Variants in SNX29 observed in about 807,000 individuals in gnomAD.
SNX29 encodes the protein sorting nexin 29, also known as sorting nexin-29.
Under a neutral mutation model 102.1 loss-of-function variants are expected in SNX29, and 78 were observed. The observed-to-expected ratio is 0.76, with a 90% CI of 0.64 to 0.92. SNX29 has a LOEUF of 0.92. Ranked by LOEUF, SNX29 falls within the 40% of genes least tolerant of loss-of-function variation. The pLI, the probability that SNX29 is intolerant of heterozygous loss-of-function variation, is 0.00. For missense variants in SNX29, 1,280 were observed against 1,061.7 expected, an observed-to-expected ratio of 1.21 and a Z score of -2.86; for synonymous variants, 580 against 414.5, an observed-to-expected ratio of 1.40 and a Z score of -4.85.
intron 16 of SNX29, among the ~76,000 whole-genome samples, chr16:12,387,051 G>C (rs1373523120): frequency 3.3e-5 from 5 of 152,060 alleles, no homozygotes; most frequent in African/African-American, 1.2e-4. Flanking sequence ...CTTGAACCTG[G>C]GAGGCAGAGG....
At chr16:12,460,867 C>G (rs2086750286) in intron 18 of SNX29, among the ~76,000 whole-genome samples, 1 of 152,138 alleles carries the variant, frequency 6.6e-6, no homozygotes, top group Non-Finnish European at 1.5e-5. Context: ...CCATGTTGGC[C>G]AGGCTGGTCT....
intron 1 of SNX29, among the ~76,000 whole-genome samples, chr16:11,984,666 T>G (rs1451154785): frequency 2.5e-4 from 38 of 152,082 alleles, no homozygotes; most frequent in Admixed American, 2.5e-3. Context: ...CCTCTCTTTT[T>G]CTTTTGAGAC....
chr16:12,416,282 G>A (rs1253905591), intron 18 of SNX29, among the ~76,000 whole-genome samples: 3 of 152,066 alleles, frequency 2.0e-5, no homozygotes, highest in Non-Finnish European at 4.4e-5. Context: ...GGCTTGTCTC[G>A]GGGCACCGCC....
chr16:12,510,885 C>A lies in SNX29; in HGVS notation c.2179-13817C>A, dbSNP rs940989305. On this transcript the variant is annotated intron_variant, in intron 19 of 20. Transcript: ENST00000566228. ...GGCCCATCCAGCCTGTGCCAAGCAC[C>A]GTGGAGGGTAGAAGGAGTCATCGCA... Among the ~76,000 whole-genome samples the A allele has an allele frequency of 5.9e-5, 9 of 152,176 alleles. No homozygotes were observed. The East Asian group carries it at 1.7e-3, about 29-fold the overall frequency.
At chr16:12,529,746 C>A (rs770211328) in intron 20 of SNX29, among the ~76,000 whole-genome samples, 6 of 152,072 alleles carry the variant, frequency 3.9e-5, no homozygotes, top group African/African-American at 1.4e-4. Context: ...GAAATATGAG[C>A]TGCCTTGTTC....
At chr16:12,141,835 G>A (rs1201929863) in intron 13 of SNX29, among the ~76,000 whole-genome samples, 1 of 152,134 alleles carries the variant, frequency 6.6e-6, no homozygotes, top group African/African-American at 2.4e-5. Flanking sequence ...TTATCGTCAT[G>A]GTCTTTGTGA....
rs372494939 is a variant in SNX29, at chr16:12,008,205, A to C, written c.122+5162A>C. 3.9e-4 allele frequency among the ~76,000 whole-genome samples: 60 copies of C among 152,034 alleles called. 2 individuals are homozygous for C. The highest frequency in any genetic ancestry group is 1.4e-3 in the African/African-American group (60 of 41,460). ...GTGATCCGCCCGCCTCGGCCTCCCA[A>C]AGTGCTGGGATTACAGGCGTGAGCC... is the stretch of plus-strand genomic sequence containing the variant. On this transcript the variant is annotated intron_variant, in intron 3 of 20. Coordinates refer to ENST00000566228, the MANE Select transcript of SNX29 (RefSeq NM_032167.5).
chr16:12,533,892 C>T (rs998258396), intron 20 of SNX29, among the ~76,000 whole-genome samples: 3 of 152,174 alleles, frequency 2.0e-5, no homozygotes, highest in South Asian at 4.1e-4. Context: ...CTTTTCAAGA[C>T]GTGGCAGAAA....
chr16:12,228,370 A>T (rs1214153200), intron 14 of SNX29, among the ~76,000 whole-genome samples: 1 of 152,218 alleles, frequency 6.6e-6, no homozygotes, highest in Non-Finnish European at 1.5e-5. Context: ...ATAGATGGCC[A>T]CTTCCAGTTG....
chr16:12,383,372 A>G (rs189007879), intron 16 of SNX29, among the ~76,000 whole-genome samples: 19 of 151,708 alleles, frequency 1.3e-4, no homozygotes, highest in Admixed American at 1.1e-3. Context: ...TTCACTATAT[A>G]CATTACAGTT....
At chr16:12,339,329 C>T (rs1486198728) in intron 15 of SNX29, among the ~76,000 whole-genome samples, 10 of 139,208 alleles carry the variant, frequency 7.2e-5, no homozygotes, top group African/African-American at 2.4e-4. Context: ...TGAGATCGTG[C>T]CATTGCACTC....
At chr16:12,108,567 G>C (rs350248) in intron 11 of SNX29, among the ~76,000 whole-genome samples, 101,749 of 151,994 alleles carry the variant, frequency 0.67, 34,955 homozygotes, top group East Asian at 0.91. Flanking sequence ...TATCTGGGCA[G>C]TGTGCATGCG....
At chr16:12,564,288 C>T (rs1309403327) in intron 20 of SNX29, among the ~76,000 whole-genome samples, 5 of 152,212 alleles carry the variant, frequency 3.3e-5, no homozygotes, top group Middle Eastern at 3.2e-3. Flanking sequence ...GTAAAAGTTC[C>T]TATGAAGTTG....
chr16:12,505,351 G>A (rs1411914630), intron 19 of SNX29, among the ~76,000 whole-genome samples: 1 of 151,952 alleles, frequency 6.6e-6, no homozygotes, highest in Non-Finnish European at 1.5e-5. Flanking sequence ...GGTGTCTGGT[G>A]AGGGCCTATT....
At chr16:12,539,123 ATTT>A (rs553307398) in intron 20 of SNX29, among the ~76,000 whole-genome samples, 222 of 152,288 alleles carry the variant, frequency 1.5e-3, no homozygotes, top group Non-Finnish European at 2.2e-3. Context: ...TTCACAAAAA[ATTT>A]TTAATTTACA....
At chr16:12,265,760 C>T (rs2078910454) in intron 14 of SNX29, among the ~76,000 whole-genome samples, 1 of 148,196 alleles carries the variant, frequency 6.7e-6, no homozygotes, top group Non-Finnish European at 1.5e-5. Flanking sequence ...TTTGATGGCA[C>T]ACGCCTGTAG....
intron 20 of SNX29, among the ~76,000 whole-genome samples, chr16:12,548,252 C>T (rs2077734756): frequency 6.6e-6 from 1 of 152,220 alleles, no homozygotes; most frequent in South Asian, 2.1e-4. Flanking sequence ...TTCCTTCCTT[C>T]TGGCTCACCA....
intron 7 of SNX29, among the ~76,000 whole-genome samples, chr16:12,050,830 G>T (rs980025179): frequency 5.3e-5 from 8 of 151,888 alleles, no homozygotes; most frequent in Admixed American, 5.2e-4. Context: ...TCCTGCCTCA[G>T]CCTCCCAAGT....
intron 3 of SNX29, among the ~76,000 whole-genome samples, chr16:12,024,135 C>CT (rs561104149): frequency 0.026 from 3,629 of 141,440 alleles, 78 homozygotes; most frequent in African/African-American, 0.058. Flanking sequence ...TGAGCTAAGT[C>CT]TTTTTTTTTT....
Sources: gnomAD v4.1 joint callset for allele counts (sites outside exome capture counted in the v4.1 genomes callset) on GRCh38, gnomAD v4.1.1 for gene constraint, MANE v1.5 for transcripts, NCBI Gene and HGNC (gene_info 2026-07-23, HGNC 2026-07-21) for gene names.